CCDC88A: variants seen among roughly 807,000 people sequenced by gnomAD.
CCDC88A encodes the protein coiled-coil and HOOK domain protein 88A.
Under a neutral mutation model 234.3 loss-of-function variants are expected in CCDC88A, and 54 were observed. The observed-to-expected ratio is 0.23, with a 90% confidence interval of 0.19 to 0.29. The LOEUF (loss-of-function observed/expected upper bound fraction) is 0.29, where lower values mean the gene tolerates loss of function less well. CCDC88A is among the 10% of genes least tolerant of loss of function. CCDC88A has a pLI of 1.00. For missense variants in CCDC88A, 1,832 were observed against 2,123.4 expected (o/e 0.86, Z 2.70); for synonymous variants, 753 against 737.8 (o/e 1.02, Z -0.33).
chr2:55,383,478 C>G (rs773197430), intron 3 of CCDC88A, among the ~76,000 whole-genome samples: 7 of 151,790 alleles, frequency 4.6e-5, no homozygotes, highest in Non-Finnish European at 1.0e-4. Context: ...AAAAAATTAG[C>G]CAGGTGTGGT....
intron 31 of CCDC88A, chr2:55,292,409 CACTTTT>C (rs1679531920): frequency 1.3e-5 from 2 of 152,132 alleles, no homozygotes. Flanking sequence ...AGAGTTGTTT[CACTTTT>C]ACTTTAAATG....
At chr2:55,377,274 T>C (rs1257927682) in intron 3 of CCDC88A, among the ~76,000 whole-genome samples, 1 of 151,014 alleles carries the variant, frequency 6.6e-6, no homozygotes, top group African/African-American at 2.4e-5. Flanking sequence ...CACAGCTCAT[T>C]GCAGCCTCGA....
chr2:55,296,786 G>T, intron 29 of CCDC88A: 1 of 416,216 alleles, frequency 2.4e-6, no homozygotes, highest in East Asian at 4.2e-5. Flanking sequence ...CATACTCAGA[G>T]CCTAAACAGA....
chr2:55,377,800 G>GTTTCA (rs1442530494), intron 3 of CCDC88A, among the ~76,000 whole-genome samples: 1 of 141,418 alleles, frequency 7.1e-6, no homozygotes, highest in Non-Finnish European at 1.6e-5. Flanking sequence ...AGTAGACAGG[G>GTTTCA]TTTCACCATG....
At chr2:55,405,525 G>C (rs1295148798) in intron 2 of CCDC88A, 2 of 152,268 alleles carry the variant, frequency 1.3e-5, no homozygotes, top group Non-Finnish European at 2.9e-5. Flanking sequence ...GTCTTAGTCA[G>C]TATACACATT....
chr2:55,326,062 GTTTAGACCTT>G (rs1684222268), intron 17 of CCDC88A, among the ~76,000 whole-genome samples: 1 of 151,926 alleles, frequency 6.6e-6, no homozygotes, highest in African/African-American at 2.4e-5. Flanking sequence ...TAACTGGGGT[GTTTAGACCTT>G]TTATATCTAA....
rs535945168 is a variant in CCDC88A at position 55,339,245 on chromosome 2, C to T, written c.1518+219G>A. 5.5e-5 allele frequency: 25 copies of T among 457,602 alleles called. No individual in the cohort carries two copies. The East Asian group carries it at 9.9e-4, about 18-fold the overall frequency. The allele number at this position is 457,602 out of a possible 1,614,324, so 28.3% of individuals were successfully genotyped here. A position where few individuals can be genotyped will look rare whatever the true frequency, so the allele number is the denominator to read the frequency against. On this transcript the variant is annotated intron_variant, in intron 13 of 32. Transcript: ENST00000436346. Reference sequence around the variant, plus strand: ...AAGTGCTGGGATTACAGGCGTGAGCCCCCGCACCTGGCCAAGATCAGCTAG... The same window carrying T: ...AAGTGCTGGGATTACAGGCGTGAGCTCCCGCACCTGGCCAAGATCAGCTAG...
chr2:55,359,948 G>A (rs542811055), intron 7 of CCDC88A, among the ~76,000 whole-genome samples: 5 of 152,168 alleles, frequency 3.3e-5, no homozygotes, highest in Admixed American at 3.3e-4. Flanking sequence ...ATGGATTTAG[G>A]CAAAGGTATT....
At chr2:55,343,907 T>G (rs1668791057) in intron 11 of CCDC88A, 115 bp from the exon 12 acceptor site, 1 of 885,790 alleles carries the variant, frequency 1.1e-6, no homozygotes, top group African/African-American at 1.7e-5. Flanking sequence ...TAATTATGAG[T>G]TCTTTAAATT....
intron 2 of CCDC88A, chr2:55,404,499 C>T (rs1679228260): frequency 6.6e-6 from 1 of 151,590 alleles, no homozygotes; most frequent in African/African-American, 2.4e-5. Flanking sequence ...ATAATAGATA[C>T]CTATTACAAA....
At position 55,299,933 on chromosome 2, in the gene CCDC88A, C is replaced by T; in HGVS notation, c.4745-14G>A. On this transcript the variant is annotated splice_polypyrimidine_tract_variant and intron_variant, in intron 28 of 32. Transcript: ENST00000436346. ...CTGGTCTTGAAGCTAAATGAAAAAACCAGGAGACAGTGTGATAAAACTTCT... is the reference window on the plus strand; with the variant it reads ...CTGGTCTTGAAGCTAAATGAAAAAATCAGGAGACAGTGTGATAAAACTTCT... The T allele has an allele frequency of 1.3e-6, 2 of 1,596,236 alleles. No individual in the cohort carries two copies. The highest frequency in any genetic ancestry group is 8.6e-7 in the Non-Finnish European group (1 of 1,164,256).
chr2:55,351,832 A>AC (rs1354416164), intron 8 of CCDC88A, among the ~76,000 whole-genome samples: 1 of 152,222 alleles, frequency 6.6e-6, no homozygotes, highest in African/African-American at 2.4e-5. Context: ...ATGCCTGTCA[A>AC]CCAAAAAATG....
chr2:55,386,044 T>C (rs531780103), intron 3 of CCDC88A, among the ~76,000 whole-genome samples: 105 of 150,294 alleles, frequency 7.0e-4, no homozygotes, highest in African/African-American at 2.4e-3. Context: ...ACCAATATGA[T>C]GAAACCTGTC....
At chr2:55,405,335 T>G (rs936702176) in intron 2 of CCDC88A, 1 of 152,194 alleles carries the variant, frequency 6.6e-6, no homozygotes, top group South Asian at 2.1e-4. Flanking sequence ...CAGGGCTCCC[T>G]AATTTATTCC....
At chr2:55,414,980 T>C (rs1317922562) in intron 2 of CCDC88A, among the ~76,000 whole-genome samples, 2 of 148,906 alleles carry the variant, frequency 1.3e-5, no homozygotes, top group Non-Finnish European at 3.0e-5. Context: ...GGCAGGAGAA[T>C]GGCGTGAACC....
intron 29 of CCDC88A, 80 bp downstream of exon 29, chr2:55,299,759 C>G (rs1680654003): frequency 1.1e-6 from 1 of 876,558 alleles, no homozygotes; most frequent in African/African-American, 1.7e-5. Context: ...TCATGCTTTA[C>G]CCCAGAAACT....
intron 3 of CCDC88A, among the ~76,000 whole-genome samples, chr2:55,383,073 G>GA (rs10544955): frequency 2.6e-3 from 378 of 145,090 alleles, no homozygotes; most frequent in African/African-American, 7.6e-3. Flanking sequence ...TCATAAAAAT[G>GA]AAAAAAAAAA....
intron 3 of CCDC88A, among the ~76,000 whole-genome samples, chr2:55,379,497 C>G (rs1350469979): frequency 6.6e-6 from 1 of 152,206 alleles, no homozygotes; most frequent in Non-Finnish European, 1.5e-5. Context: ...TATCAATTAT[C>G]TGCCAGACAT....
intron 31 of CCDC88A, 95 bp from the exon 32 acceptor site, chr2:55,291,870 A>G: frequency 1.2e-6 from 1 of 837,194 alleles, no homozygotes; most frequent in Non-Finnish European, 1.9e-6. Flanking sequence ...TAGGGCAAGG[A>G]GAAGGAATCT....
Sources: gnomAD v4.1 joint callset for allele counts (sites outside exome capture counted in the v4.1 genomes callset) on GRCh38, gnomAD v4.1.1 for gene constraint, MANE v1.5 for transcripts, NCBI Gene and HGNC (gene_info 2026-07-23, HGNC 2026-07-21) for gene names.